COL5A2: variants seen among roughly 807,000 people sequenced by gnomAD.
The protein encoded by COL5A2 is collagen alpha-2(V) chain.
Under a neutral mutation model 208.2 loss-of-function variants are expected in COL5A2, and 23 were observed. That is an observed-to-expected ratio of 0.11 (90% CI 0.08 to 0.16). The LOEUF (loss-of-function observed/expected upper bound fraction) is 0.16. Ranked by LOEUF, COL5A2 falls within the 10% of genes least tolerant of loss-of-function variation. The pLI, the probability that COL5A2 is intolerant of heterozygous loss-of-function variation, is 1.00. For missense variants in COL5A2, 1,590 were observed against 1,956.4 expected (o/e 0.81, Z 3.53); for synonymous variants, 625 against 628.5 (o/e 0.99, Z 0.08).
Position 189,036,997 on chromosome 2 carries a change from C to T in COL5A2, c.3926-194G>A, listed in dbSNP as rs867101445. On this transcript the variant is annotated intron_variant, in intron 51 of 53. Coordinates refer to ENST00000374866, the MANE Select transcript of COL5A2 (RefSeq NM_000393.5). ...CTACATTCTAGTCGCTATTGTAAGG[C>T]ACTTTGCCAAACCATGTACTTAAGG... is the stretch of plus-strand genomic sequence containing the variant. 8.5e-5 allele frequency among the ~76,000 whole-genome samples: 13 copies of T among 152,212 alleles called. 1 individual carries two copies. Among genetic ancestry groups the T allele is most frequent in the South Asian group, 4.1e-4 (2 of 4,826 alleles).
At chr2:189,098,955 C>G (rs777618520) in intron 4 of COL5A2, among the ~76,000 whole-genome samples, 196 bp from the exon 5 acceptor site, 2 of 152,132 alleles carry the variant, frequency 1.3e-5, no homozygotes, top group Non-Finnish European at 2.9e-5. Flanking sequence ...GGAGGCAGTG[C>G]TGGCGTAATG....
the COL5A2 span, among the ~76,000 whole-genome samples, chr2:189,381,990 T>C: frequency 1.3e-5 from 2 of 152,166 alleles, no homozygotes; most frequent in Non-Finnish European, 2.9e-5. Context: ...TTAGAAAGCA[T>C]GTTTGTTGAA....
chr2:189,048,043 T>C (rs1685705742), intron 45 of COL5A2, among the ~76,000 whole-genome samples, 166 bp downstream of exon 45: 1 of 152,242 alleles, frequency 6.6e-6, no homozygotes, highest in Non-Finnish European at 1.5e-5. Flanking sequence ...TCAAATATCA[T>C]TTCATTTACA....
In COL5A2 at chr2:189,121,010, G is replaced by A. The variant is rs529590064; in HGVS notation, c.98-10561C>T. ...GTAATGAATTCCTCTCTACCTTTAC[G>A]GAGTTTACAGACTACTGAGAGAACC... is the stretch of plus-strand genomic sequence containing the variant. On this transcript the variant is annotated intron_variant, in intron 1 of 53. Transcript: ENST00000374866. 1.2e-4 allele frequency among the ~76,000 whole-genome samples: 18 copies of A among 151,830 alleles called. No homozygotes were observed. The South Asian group carries it at 3.1e-3, about 26-fold the overall frequency.
chr2:189,095,498 T>C (rs1373503447), intron 6 of COL5A2, among the ~76,000 whole-genome samples: 2 of 151,852 alleles, frequency 1.3e-5, no homozygotes, highest in Non-Finnish European at 2.9e-5. Context: ...TCTCGCTCTT[T>C]CATACACACA....
the COL5A2 span, among the ~76,000 whole-genome samples, chr2:189,253,733 G>T: frequency 3.3e-5 from 5 of 152,160 alleles, no homozygotes; most frequent in Non-Finnish European, 5.9e-5. Context: ...GAAGTTCTCT[G>T]AAAACCTCAC....
At chr2:189,303,394 TA>T in the COL5A2 span, among the ~76,000 whole-genome samples, 1 of 152,274 alleles carries the variant, frequency 6.6e-6, no homozygotes, top group Non-Finnish European at 1.5e-5. Flanking sequence ...CTCTTTTCAA[TA>T]AATTTGCCAG....
rs944140059 is a variant in COL5A2, at chr2:189,130,788, A to T, written c.98-20339T>A. On this transcript the variant is annotated intron_variant, in intron 1 of 53. Transcript: ENST00000374866. The stretch of plus-strand genomic sequence containing the variant: ...CCTTTTACACAAGTGCCTGTGAAAA[A>T]TTTAGTTTATAAAGCCCAAGTCACA... Among the ~76,000 whole-genome samples, 4 of 152,182 alleles carry T rather than the reference A, an allele frequency of 2.6e-5. No homozygotes were observed. The South Asian group carries it at 6.2e-4, about 24-fold the overall frequency.
chr2:189,386,545 C>T, the COL5A2 span, among the ~76,000 whole-genome samples: 1 of 152,110 alleles, frequency 6.6e-6, no homozygotes, highest in Non-Finnish European at 1.5e-5. Flanking sequence ...AAACAGACAG[C>T]TTACAGAATG....
chr2:189,387,403 A>C, the COL5A2 span, among the ~76,000 whole-genome samples: 1 of 152,138 alleles, frequency 6.6e-6, no homozygotes, highest in Non-Finnish European at 1.5e-5. Flanking sequence ...TTATGCCCTA[A>C]ACCTCAGCAT....
chr2:189,379,626 T>C, the COL5A2 span, among the ~76,000 whole-genome samples: 1 of 152,228 alleles, frequency 6.6e-6, no homozygotes, highest in African/African-American at 2.4e-5. Flanking sequence ...GTGTACATTA[T>C]TTCATTTACA....
At chr2:189,266,743 T>C in the COL5A2 span, among the ~76,000 whole-genome samples, 1 of 152,050 alleles carries the variant, frequency 6.6e-6, no homozygotes, top group South Asian at 2.1e-4. Flanking sequence ...TACTGAATTA[T>C]ACACTTTAAA....
At chr2:189,209,806 T>C (rs115471618) in intron 1 of COL5A2, among the ~76,000 whole-genome samples, 1 of 152,228 alleles carries the variant, frequency 6.6e-6, no homozygotes, top group Non-Finnish European at 1.5e-5. Context: ...GGGTTCCTGA[T>C]AGGAATAACT....
chr2:189,047,517 T>G (rs1379401671), intron 45 of COL5A2, among the ~76,000 whole-genome samples: 1 of 152,226 alleles, frequency 6.6e-6, no homozygotes, highest in African/African-American at 2.4e-5. Context: ...ATTTAAAGCA[T>G]TTGAAAATGG....
At chr2:189,385,030 T>C in the COL5A2 span, among the ~76,000 whole-genome samples, 35 of 152,190 alleles carry the variant, frequency 2.3e-4, 1 homozygote, top group Non-Finnish European at 4.4e-5. Context: ...TTTTTATTAA[T>C]AGCATTTTTT....
At chr2:189,277,354 G>A in the COL5A2 span, among the ~76,000 whole-genome samples, 1 of 152,032 alleles carries the variant, frequency 6.6e-6, no homozygotes, top group African/African-American at 2.4e-5. Context: ...AGAAAATTAA[G>A]GTAAATCAAG....
intron 9 of COL5A2, among the ~76,000 whole-genome samples, 175 bp from the exon 10 acceptor site, chr2:189,085,947 GAAT>G (rs1686648357): frequency 6.6e-6 from 1 of 152,168 alleles, no homozygotes; most frequent in Non-Finnish European, 1.5e-5. Context: ...TGTAAAATCA[GAAT>G]AATATTGGTA....
At chr2:189,363,887 A>G in the COL5A2 span, among the ~76,000 whole-genome samples, 1 of 152,212 alleles carries the variant, frequency 6.6e-6, no homozygotes, top group Admixed American at 6.5e-5. Flanking sequence ...GAATCCTGCT[A>G]TAACCCACCG....
intron 47 of COL5A2, among the ~76,000 whole-genome samples, chr2:189,044,059 C>T (rs760652725): frequency 3.3e-5 from 5 of 152,088 alleles, no homozygotes; most frequent in Non-Finnish European, 5.9e-5. Context: ...CTCCAGGGAA[C>T]GAGTGGTTCA....
Sources: gnomAD v4.1 joint callset for allele counts (sites outside exome capture counted in the v4.1 genomes callset) on GRCh38, gnomAD v4.1.1 for gene constraint, MANE v1.5 for transcripts, NCBI Gene and HGNC (gene_info 2026-07-23, HGNC 2026-07-21) for gene names.